The following NOS1AP variants were observed in gnomAD, a reference collection of about 807,000 sequenced individuals.
The protein encoded by NOS1AP is carboxyl-terminal PDZ ligand of neuronal nitric oxide synthase protein.
Under a neutral mutation model 56.2 loss-of-function variants are expected in NOS1AP, and 21 were observed. That is an observed-to-expected ratio of 0.37 (90% CI 0.26 to 0.54). The LOEUF is 0.54. Among genes scored for constraint, NOS1AP ranks in the 20% least tolerant of loss-of-function variants. The pLI is 0.84. For synonymous variants in NOS1AP, 270 were observed against 274.6 expected (o/e 0.98, Z 0.17); for missense variants, 522 against 657.8 (o/e 0.79, Z 2.26).
At chr1:162,124,501 G>GTA (rs1648390142) in intron 1 of NOS1AP, among the ~76,000 whole-genome samples, 1 of 108 alleles carries the variant, frequency 9.3e-3, no homozygotes, top group Non-Finnish European at 0.02. Context: ...GTGTGTGTGT[G>GTA]TGTGTGACAC....
chr1:162,207,854 G>C (rs766094154), intron 2 of NOS1AP, among the ~76,000 whole-genome samples: 17 of 152,058 alleles, frequency 1.1e-4, no homozygotes, highest in Non-Finnish European at 2.5e-4. Context: ...GTGTTTCTCA[G>C]TTTCTTATAA....
rs548394997 is a variant in NOS1AP, at chr1:162,267,299, A to T, written c.178-20045A>T. 2.0e-5 allele frequency among the ~76,000 whole-genome samples: 3 copies of T among 152,168 alleles called. No homozygotes were observed. The South Asian group carries it at 6.2e-4, about 32-fold the overall frequency. On this transcript the variant is annotated intron_variant, in intron 2 of 9. Transcript: ENST00000361897. ...CACTAAAATTGGTGTGGAGAATTAT[A>T]CTAGAGTTTTCCCAAAGGGCCCCAC...
At chr1:162,323,969 A>C (rs1000064924) in intron 4 of NOS1AP, among the ~76,000 whole-genome samples, 1 of 152,172 alleles carries the variant, frequency 6.6e-6, no homozygotes, top group Non-Finnish European at 1.5e-5. Context: ...TGCATATAAC[A>C]CTTGAAGGAA....
chr1:162,237,770 G>A (rs528122371), intron 2 of NOS1AP, among the ~76,000 whole-genome samples: 2 of 152,246 alleles, frequency 1.3e-5, no homozygotes, highest in African/African-American at 4.8e-5. Context: ...GGCTTTGCGG[G>A]GACAGTGTTA....
At chr1:162,099,734 A>G (rs1692336706) in intron 1 of NOS1AP, among the ~76,000 whole-genome samples, 1 of 151,978 alleles carries the variant, frequency 6.6e-6, no homozygotes, top group South Asian at 2.1e-4. Flanking sequence ...TGCACCCATT[A>G]ACTCATCATT....
chr1:162,208,649 C>T (rs1357291814), intron 2 of NOS1AP, among the ~76,000 whole-genome samples: 1 of 152,064 alleles, frequency 6.6e-6, no homozygotes, highest in East Asian at 1.9e-4. Flanking sequence ...CAGAAATGAC[C>T]CCAGACATTG....
intron 2 of NOS1AP, among the ~76,000 whole-genome samples, chr1:162,243,857 G>A (rs528882644): frequency 6.6e-6 from 1 of 152,296 alleles, no homozygotes; most frequent in South Asian, 2.1e-4. Context: ...AATTGTTGGA[G>A]GACCGTCTTC....
intron 2 of NOS1AP, among the ~76,000 whole-genome samples, chr1:162,167,247 C>T (rs777580855): frequency 6.6e-6 from 1 of 152,240 alleles, no homozygotes; most frequent in Non-Finnish European, 1.5e-5. Flanking sequence ...ATTTACCTGT[C>T]TCCTTAACCA....
intron 3 of NOS1AP, among the ~76,000 whole-genome samples, chr1:162,297,875 G>A (rs958237923): frequency 6.6e-6 from 1 of 152,132 alleles, no homozygotes; most frequent in Admixed American, 6.5e-5. Context: ...AGCCTGGCTA[G>A]GAACTTAGGG....
chr1:162,256,858 T>C (rs1166894101), intron 2 of NOS1AP, among the ~76,000 whole-genome samples: 1 of 152,078 alleles, frequency 6.6e-6, no homozygotes, highest in Non-Finnish European at 1.5e-5. Context: ...GATCCCAGAG[T>C]TGCTTGTGAA....
intron 2 of NOS1AP, among the ~76,000 whole-genome samples, chr1:162,264,463 C>CTCCTCCCCTCCCCTG (rs1654347287): frequency 1.2e-4 from 3 of 25,374 alleles, no homozygotes; most frequent in African/African-American, 4.4e-4. Context: ...CTCTTCTCTT[C>CTCCTCCCCTCCCCTG]TCCTCCCCTC....
intron 2 of NOS1AP, among the ~76,000 whole-genome samples, chr1:162,178,306 A>T (rs1571103502): frequency 1.3e-5 from 2 of 152,344 alleles, no homozygotes; most frequent in South Asian, 4.1e-4. Flanking sequence ...GCTGCCAAGA[A>T]CATCTGTGAG....
At chr1:162,083,721 CT>C (rs1395074962) in intron 1 of NOS1AP, among the ~76,000 whole-genome samples, 1 of 152,158 alleles carries the variant, frequency 6.6e-6, no homozygotes, top group Non-Finnish European at 1.5e-5. Flanking sequence ...AGGAAATTAC[CT>C]GCAAATTCCT....
intron 4 of NOS1AP, among the ~76,000 whole-genome samples, chr1:162,331,745 A>G (rs1039325746): frequency 3.9e-5 from 6 of 152,018 alleles, no homozygotes; most frequent in Admixed American, 3.3e-4. Flanking sequence ...AGAGCAATAC[A>G]CTCCTTGGAC....
intron 2 of NOS1AP, among the ~76,000 whole-genome samples, chr1:162,277,174 G>T: frequency 6.6e-6 from 1 of 152,168 alleles, no homozygotes; most frequent in East Asian, 1.9e-4. Context: ...GGACCTTCAA[G>T]TTTGAGAAGC....
intron 8 of NOS1AP, among the ~76,000 whole-genome samples, chr1:162,357,543 G>A (rs12059216): frequency 0.031 from 4,769 of 152,100 alleles, 273 homozygotes; most frequent in African/African-American, 0.11. Flanking sequence ...ACAGCTTAAA[G>A]TATGAATTTG....
rs1346829188 is a variant in NOS1AP at position 162,277,672 on chromosome 1, C to T, written c.178-9672C>T. 8.5e-5 allele frequency among the ~76,000 whole-genome samples: 13 copies of T among 152,256 alleles called. No individual in the cohort carries two copies. In the South Asian group the frequency reaches 1.5e-3, roughly 17 times the overall value. On this transcript the variant is annotated intron_variant, in intron 2 of 9. Coordinates refer to ENST00000361897, the MANE Select transcript of NOS1AP (RefSeq NM_014697.3). ...AGTCCCACATGAATGGCTGTGTGAC[C>T]CCCACATCCTGTCTAGCTCCTATTA... is the stretch of plus-strand genomic sequence containing the variant.
At chr1:162,325,264 T>C (rs955895319) in intron 4 of NOS1AP, among the ~76,000 whole-genome samples, 41 of 152,094 alleles carry the variant, frequency 2.7e-4, no homozygotes, top group African/African-American at 9.9e-4. Context: ...TGGGAGACAA[T>C]GTTATATAAA....
At chr1:162,172,559 A>G (rs6427659) in intron 2 of NOS1AP, among the ~76,000 whole-genome samples, 136,867 of 152,210 alleles carry the variant, frequency 0.9, 62,837 homozygotes, top group East Asian at 1. Context: ...CTACAGGAAT[A>G]ATCTTGATGA....
Sources: gnomAD v4.1 joint callset for allele counts (sites outside exome capture counted in the v4.1 genomes callset) on GRCh38, gnomAD v4.1.1 for gene constraint, MANE v1.5 for transcripts, NCBI Gene and HGNC (gene_info 2026-07-23, HGNC 2026-07-21) for gene names.